Variants in CCDC144A observed in about 807,000 individuals in gnomAD.
CCDC144A encodes coiled-coil domain-containing protein 144A.
CCDC144A carries 41 observed loss-of-function variants against 143.8 expected under a neutral mutation model. That is an observed-to-expected ratio of 0.29 (90% CI 0.22 to 0.37). The LOEUF is 0.37. CCDC144A is among the 10% of genes least tolerant of loss of function. The pLI is 1.00. For synonymous variants in CCDC144A, 242 were observed against 517.9 expected (o/e 0.47, Z 7.23); for missense variants, 637 against 1,488.8 (o/e 0.43, Z 9.41).
At chr17:16,719,048 T>G (rs1912937439) in intron 6 of CCDC144A, among the ~76,000 whole-genome samples, 2 of 150,356 alleles carry the variant, frequency 1.3e-5, no homozygotes, top group Non-Finnish European at 2.9e-5. Flanking sequence ...GGAAAGCTGG[T>G]CTTGAACTCC....
In CCDC144A at chr17:16,709,392, G is replaced by A. The variant is rs866157604; in HGVS notation, c.1335G>A (p.Glu445=). 2 of 1,611,624 alleles carry A rather than the reference G, an allele frequency of 1.2e-6. No individual in the cohort carries two copies. Residue 445 remains glutamate (E), a synonymous_variant, in exon 5 of 17, where the codon GAG becomes GAA. Coordinates refer to ENST00000399273, the MANE Select transcript of CCDC144A (RefSeq NM_001382000.1). ...TGGTTGAAATGAAAGAAGACCAAGA[G>A]TTTGATTTGCAAATGACAAAAAATA... ...VVMVEMKEDQ[E]FDLQMTKNMN...
chr17:16,739,293 G>T (rs1379746816), intron 12 of CCDC144A, among the ~76,000 whole-genome samples: 1 of 124,436 alleles, frequency 8.0e-6, no homozygotes, highest in African/African-American at 3.3e-5. Context: ...AAATTGTAGA[G>T]AGAAGGTCTC....
chr17:16,769,462 G>A (rs1158133909), intron 15 of CCDC144A, among the ~76,000 whole-genome samples: 2 of 152,274 alleles, frequency 1.3e-5, no homozygotes, highest in African/African-American at 4.8e-5. Context: ...AGATGGTAAA[G>A]AGAAATCTGT....
At chr17:16,744,212 G>T (rs1914386467) in intron 12 of CCDC144A, among the ~76,000 whole-genome samples, 1 of 152,196 alleles carries the variant, frequency 6.6e-6, no homozygotes, top group Admixed American at 6.5e-5. Flanking sequence ...ACCAACTAAT[G>T]GGATTGCTGG....
chr17:16,748,930 C>T lies in CCDC144A; in HGVS notation c.3373-12495C>T, dbSNP rs1338374072. Among the ~76,000 whole-genome samples the T allele has an allele frequency of 5.3e-5, 8 of 152,050 alleles. No homozygotes were observed. The East Asian group carries it at 5.8e-4, about 11-fold the overall frequency. Reference sequence around the variant, plus strand: ...ATTACTGTGGGATTGGTTGTAATGTCGTCTTTGTTGTTTCTGATTGTGCTT... The same window carrying T: ...ATTACTGTGGGATTGGTTGTAATGTTGTCTTTGTTGTTTCTGATTGTGCTT... On this transcript the variant is annotated intron_variant, in intron 12 of 16. Transcript: ENST00000399273.
rs769731047 is a variant in CCDC144A at position 16,690,529 on chromosome 17, C to G, written c.129C>G (p.Asp43Glu). The change falls in exon 1 of 17, where the codon GAC becomes GAG. Residue 43 changes from aspartate to glutamate, a missense_variant. Transcript: ENST00000399273. ...AGTGGTACTTGGGCTACCCGGGGGA[C>G]CAGTGGTCCTCGGGCTTCCCCTACA... ...GDQWYLGYPGDQWSSGFPYSW... is the reference protein window; with the variant it reads ...GDQWYLGYPGEQWSSGFPYSW... 1 of 1,613,470 alleles carries G rather than the reference C, an allele frequency of 6.2e-7. No individual in the cohort carries two copies. Among genetic ancestry groups the G allele is most frequent in the African/African-American group, 1.3e-5 (1 of 74,748 alleles).
chr17:16,732,405 T>A (rs1913778236), intron 10 of CCDC144A, 133 bp from the exon 11 acceptor site: 5 of 607,484 alleles, frequency 8.2e-6, no homozygotes, highest in South Asian at 2.1e-5. Flanking sequence ...TTTGAGTGAT[T>A]CTTGAGGGAT....
intron 12 of CCDC144A, among the ~76,000 whole-genome samples, chr17:16,738,539 T>C (rs961942803): frequency 1.1e-4 from 16 of 151,408 alleles, no homozygotes; most frequent in African/African-American, 3.9e-4. Context: ...GATCACACAA[T>C]GTGTGGTGGT....
In CCDC144A at chr17:16,773,752, A is replaced by G. The variant is rs942967687; in HGVS notation, c.*119A>G. On this transcript the variant is annotated 3_prime_UTR_variant, in exon 17 of 17. Coordinates refer to ENST00000399273, the MANE Select transcript of CCDC144A (RefSeq NM_001382000.1). ...TATTATACATGTCTGATGAAAATTT[A>G]TATAGTATTTTAAATAATGTTTCTT... is the stretch of plus-strand genomic sequence containing the variant. The G allele has an allele frequency of 6.5e-6, 8 of 1,225,110 alleles. No homozygotes were observed. In the Admixed American group the frequency reaches 2.0e-4, roughly 31 times the overall value. 75.9% of individuals were successfully genotyped at this position (1,225,110 alleles called of 1,614,324 possible).
rs141884494 is a variant in CCDC144A at position 16,746,271 on chromosome 17, CTTTTT to C, written c.3372+10639_3372+10643del. The stretch of plus-strand genomic sequence containing the variant: ...CTTCTGTTTATCTGTCTCTCTCTCT[CTTTTT>C]TTTTTTTTTTGCATCTTTCTTCTTT... On this transcript the variant is annotated intron_variant, in intron 12 of 16. Transcript: ENST00000399273. 6 of 779,986 alleles carry C rather than the reference CTTTTT, an allele frequency of 7.7e-6. No homozygotes were observed. In the South Asian group the frequency reaches 7.9e-5, roughly 10 times the overall value. 48.3% of individuals were successfully genotyped at this position (779,986 alleles called of 1,614,324 possible).
In CCDC144A at chr17:16,776,038, T is replaced by C. The variant is rs1460596310; in HGVS notation, c.*2405T>C. On this transcript the variant is annotated 3_prime_UTR_variant, in exon 17 of 17. Coordinates refer to ENST00000399273, the MANE Select transcript of CCDC144A (RefSeq NM_001382000.1). ...GTAGGTGTGTGGTCTTATTTCTGGG[T>C]TCTCTATTCTGTTCCATTGGTCTAT... The C allele has an allele frequency of 6.6e-6, 1 of 152,142 alleles. No homozygotes were observed. Among genetic ancestry groups the C allele is most frequent in the African/African-American group, 2.4e-5 (1 of 41,442 alleles). The allele number at this position is 152,142 out of a possible 1,614,324, so 9.4% of individuals were successfully genotyped here.
At chr17:16,762,105 A>C (rs1430913780) in intron 13 of CCDC144A, among the ~76,000 whole-genome samples, 1 of 152,246 alleles carries the variant, frequency 6.6e-6, no homozygotes, top group Non-Finnish European at 1.5e-5. Context: ...TCAACAATTC[A>C]GATTCAGTTA....
At chr17:16,682,559 G>C in the CCDC144A span, among the ~76,000 whole-genome samples, 1 of 151,914 alleles carries the variant, frequency 6.6e-6, no homozygotes, top group South Asian at 2.1e-4. Context: ...CCTGAGCCTA[G>C]TGCTTCTCTA....
At chr17:16,744,839 C>T (rs1294091491) in intron 12 of CCDC144A, among the ~76,000 whole-genome samples, 1 of 151,972 alleles carries the variant, frequency 6.6e-6, no homozygotes, top group Non-Finnish European at 1.5e-5. Context: ...CTACAGAATG[C>T]ACGGTTTCAG....
At chr17:16,704,412 G>A (rs1489497797) in intron 2 of CCDC144A, among the ~76,000 whole-genome samples, 2 of 152,052 alleles carry the variant, frequency 1.3e-5, no homozygotes, top group Non-Finnish European at 1.5e-5. Flanking sequence ...CCGAGATTGC[G>A]CCATTGCACT....
At chr17:16,669,906 T>G in the CCDC144A span, among the ~76,000 whole-genome samples, 4 of 152,136 alleles carry the variant, frequency 2.6e-5, 1 homozygote, top group Non-Finnish European at 5.9e-5. Flanking sequence ...AAACTATTGT[T>G]AGGCCAGGCC....
chr17:16,773,040 T>G (rs1915882461), intron 16 of CCDC144A, among the ~76,000 whole-genome samples: 1 of 152,190 alleles, frequency 6.6e-6, no homozygotes. Context: ...GGCAGATTCT[T>G]ATCTAATAAT....
At chr17:16,762,236 A>G (rs1447680640) in intron 13 of CCDC144A, 77 bp from the exon 14 acceptor site, 1 of 1,524,034 alleles carries the variant, frequency 6.6e-7, no homozygotes, top group African/African-American at 1.4e-5. Context: ...CACTGACTCC[A>G]AACAAAAGGA....
the CCDC144A span, among the ~76,000 whole-genome samples, chr17:16,682,896 T>TTTG: frequency 4.5e-5 from 5 of 111,766 alleles, no homozygotes; most frequent in Non-Finnish European, 9.2e-5. Flanking sequence ...TTTTTTTTTT[T>TTTG]TTTTTTTTTT....
Sources: allele counts gnomAD v4.1 joint callset (sites outside exome capture counted in the v4.1 genomes callset), GRCh38; gene constraint gnomAD v4.1.1; transcripts MANE v1.5; gene names NCBI Gene and HGNC (gene_info 2026-07-23, HGNC 2026-07-21).